The following CLTCL1 variants were observed in gnomAD, a reference collection of about 807,000 sequenced individuals.
CLTCL1 encodes the protein clathrin heavy chain 2.
In CLTCL1, 159 loss-of-function variants were observed where a neutral mutation model predicts 190.0. That is an observed-to-expected ratio of 0.84 (90% CI 0.74 to 0.95). CLTCL1 has a LOEUF of 0.95. Ranked by LOEUF, CLTCL1 falls within the 40% of genes least tolerant of loss-of-function variation. The pLI is 0.00. For missense variants in CLTCL1, 1,878 were observed against 2,033.4 expected (o/e 0.92, Z 1.47); for synonymous variants, 752 against 769.6 (o/e 0.98, Z 0.38).
chr22:19,214,036 C>G (rs149143526), intron 19 of CLTCL1, among the ~76,000 whole-genome samples: 1 of 152,308 alleles, frequency 6.6e-6, no homozygotes, highest in African/African-American at 2.4e-5. Flanking sequence ...TATGACTGTA[C>G]TACAGCCTAC....
At position 19,242,814 on chromosome 22, in the gene CLTCL1, G is replaced by T; in HGVS notation, c.642C>A (p.Thr214=). 1.2e-6 allele frequency: 2 copies of T among 1,613,950 alleles called. No homozygotes were observed. The highest frequency in any genetic ancestry group is 1.7e-6 in the Non-Finnish European group (2 of 1,179,892). Residue 214 remains threonine, a synonymous_variant, in exon 4 of 33, where the codon ACC becomes ACA. Transcript: ENST00000427926. ...FKMEGNAKPA[T]LFCFAVRNPT... Reference sequence around the variant, plus strand: ...GATTACGTACAGCAAAGCAGAAAAGGGTGGCAGGCTTGGCATTCCCCTCCA... The same window carrying T: ...GATTACGTACAGCAAAGCAGAAAAGTGTGGCAGGCTTGGCATTCCCCTCCA...
intron 2 of CLTCL1, among the ~76,000 whole-genome samples, chr22:19,266,757 T>C (rs1013301634): frequency 3.3e-4 from 50 of 152,146 alleles, no homozygotes; most frequent in African/African-American, 1.2e-3. Context: ...TAATAGCCAA[T>C]AATTAATTTA....
chr22:19,254,101 G>A lies in CLTCL1; in HGVS notation c.377C>T (p.Ala126Val), dbSNP rs372872413. ...ACCTTCCATGCTCCAGTGGTAGACC[G>A]CGGTCTCGGTCACCAAGGCAACAGT... ...VNTVALVTET[A>V]VYHWSMEGDS... Residue 126 changes from alanine to valine, a missense_variant, in exon 3 of 33, where the codon GCG becomes GTG. By Grantham distance (64) the Ala-to-Val change is moderately conservative. Coordinates refer to ENST00000427926, the MANE Select transcript of CLTCL1 (RefSeq NM_007098.4). 4.6e-5 allele frequency: 74 copies of A among 1,612,966 alleles called. No individual in the cohort carries two copies. Among genetic ancestry groups the A allele is most frequent in the East Asian group, 2.2e-4 (10 of 44,878 alleles).
At chr22:19,183,942 G>C in intron 29 of CLTCL1, 1 of 405,796 alleles carries the variant, frequency 2.5e-6, no homozygotes, top group East Asian at 5.1e-5. Flanking sequence ...TGGGGCTGCT[G>C]CAGAGGTGCT....
At chr22:19,260,916 A>C (rs1555975238) in intron 2 of CLTCL1, among the ~76,000 whole-genome samples, 1 of 151,748 alleles carries the variant, frequency 6.6e-6, no homozygotes, top group African/African-American at 2.4e-5. Flanking sequence ...CTCACTGTTC[A>C]GATCTACTGA....
At chr22:19,206,732 C>T (rs1440523695) in intron 22 of CLTCL1, among the ~76,000 whole-genome samples, 4 of 152,212 alleles carry the variant, frequency 2.6e-5, no homozygotes, top group Non-Finnish European at 4.4e-5. Flanking sequence ...CCACTGTGCC[C>T]GGCCCACTTT....
At chr22:19,216,385 T>C in intron 18 of CLTCL1, 129 bp from the exon 19 acceptor site, 1 of 782,914 alleles carries the variant, frequency 1.3e-6, no homozygotes, top group Non-Finnish European at 2.0e-6. Context: ...GGAGACTTCT[T>C]AATGTAACAA....
chr22:19,236,253 C>T (rs2086079022), intron 5 of CLTCL1, among the ~76,000 whole-genome samples: 1 of 152,206 alleles, frequency 6.6e-6, no homozygotes, highest in African/African-American at 2.4e-5. Context: ...CAACCACTCT[C>T]AAATAAAGGT....
chr22:19,191,412 G>A lies in CLTCL1; in HGVS notation c.4215C>T (p.Tyr1405=). 6.2e-7 allele frequency: 1 copy of A among 1,613,916 alleles called. No individual in the cohort carries two copies. The highest frequency in any genetic ancestry group is 8.5e-7 in the Non-Finnish European group (1 of 1,179,884). ...AATCCAAATAGAACTGCAGGGCTCT[G>A]TAACAGAGCTCGACGTTGGCAACCT... ...ITKVANVELC[Y]RALQFYLDYK... Residue 1405 remains tyrosine, a synonymous_variant, in exon 27 of 33, where the codon TAC becomes TAT. Coordinates refer to ENST00000427926, the MANE Select transcript of CLTCL1 (RefSeq NM_007098.4).
At chr22:19,216,948 G>A (rs1555949775) in intron 18 of CLTCL1, among the ~76,000 whole-genome samples, 1 of 152,168 alleles carries the variant, frequency 6.6e-6, no homozygotes, top group Non-Finnish European at 1.5e-5. Context: ...CTCCTCAGGG[G>A]TGGGCAACAG....
chr22:19,242,851 G>C lies in CLTCL1; in HGVS notation c.605C>G (p.Ala202Gly). Residue 202 changes from alanine (A) to glycine (G), a missense_variant, in exon 4 of 33, where the codon GCA (alanine) becomes GGA (glycine). Transcript: ENST00000427926. ...GGCATTCCCCTCCATCTTGAACTCT[G>C]CAAAAGCCGCAGCATGGCCTTCTAT... is the stretch of plus-strand genomic sequence containing the variant. ...QPIEGHAAAF[A>G]EFKMEGNAKP... 1 of 1,613,950 alleles carries C rather than the reference G, an allele frequency of 6.2e-7. No individual in the cohort carries two copies.
intron 3 of CLTCL1, among the ~76,000 whole-genome samples, chr22:19,247,702 A>G (rs1319001526): frequency 2.6e-5 from 4 of 152,104 alleles, no homozygotes; most frequent in African/African-American, 9.6e-5. Flanking sequence ...CTGGGATTAC[A>G]GGCACATGCC....
intron 1 of CLTCL1, among the ~76,000 whole-genome samples, chr22:19,276,642 A>G (rs1028397023): frequency 1.2e-4 from 18 of 152,100 alleles, no homozygotes; most frequent in African/African-American, 4.1e-4. Flanking sequence ...ACCTACCTAC[A>G]AGACACCTTT....
chr22:19,181,766 C>T (rs1555925954), intron 30 of CLTCL1: 1 of 152,330 alleles, frequency 6.6e-6, no homozygotes, highest in African/African-American at 2.4e-5. Context: ...ATGCCACTGA[C>T]TGGGAAACCC....
At chr22:19,183,724 G>T in intron 29 of CLTCL1, 113 bp from the exon 30 acceptor site, 2 of 1,022,902 alleles carry the variant, frequency 2.0e-6, no homozygotes, top group Non-Finnish European at 2.9e-6. Context: ...GACTTCCTGC[G>T]CTGTGGAGCA....
At chr22:19,248,652 C>A (rs2086495048) in intron 3 of CLTCL1, among the ~76,000 whole-genome samples, 1 of 152,200 alleles carries the variant, frequency 6.6e-6, no homozygotes, top group South Asian at 2.1e-4. Context: ...TAAATGGAAT[C>A]ATATAGTATG....
Position 19,183,509 on chromosome 22 carries a change from G to C in CLTCL1, c.4708C>G (p.Leu1570Val), listed in dbSNP as rs781872653. 1.2e-6 allele frequency: 2 copies of C among 1,613,812 alleles called. No individual in the cohort carries two copies. The highest frequency in any genetic ancestry group is 3.3e-5 in the Admixed American group (2 of 60,022). The change falls in exon 30 of 33, where the codon CTC (leucine) becomes GTC (valine). Residue 1570 changes from leucine (L) to valine (V), a missense_variant. Physicochemically the swap from Leu to Val is conservative, Grantham distance 32 (BLOSUM62 1). Coordinates refer to ENST00000427926, the MANE Select transcript of CLTCL1 (RefSeq NM_007098.4). ...EGKRECFAAC[L>V]FTCYDLLRPD... Reference sequence around the variant, plus strand: ...CGAAGCAGGTCATAGCAGGTGAAGAGACAAGCTGCGAAGCACTCCCTCTTG... The same window carrying C: ...CGAAGCAGGTCATAGCAGGTGAAGACACAAGCTGCGAAGCACTCCCTCTTG...
intron 1 of CLTCL1, among the ~76,000 whole-genome samples, chr22:19,289,741 C>T (rs1345437060): frequency 2.0e-5 from 3 of 152,148 alleles, no homozygotes; most frequent in African/African-American, 4.8e-5. Context: ...AGATCCAGAA[C>T]ATAGACAAGA....
chr22:19,211,302 A>G lies in CLTCL1; in HGVS notation c.3066-793T>C, dbSNP rs28588167. On this transcript the variant is annotated intron_variant, in intron 19 of 32. Coordinates refer to ENST00000427926, the MANE Select transcript of CLTCL1 (RefSeq NM_007098.4). Reference sequence around the variant, plus strand: ...CTACAAAAAGCCCACTGTTAACATCATAAGTAACAGAGTCTGGACACTTTC... The same window carrying G: ...CTACAAAAAGCCCACTGTTAACATCGTAAGTAACAGAGTCTGGACACTTTC... 9.4e-3 allele frequency among the ~76,000 whole-genome samples: 1,436 copies of G among 152,330 alleles called. 34 individuals carry two copies. Among genetic ancestry groups the G allele is most frequent in the East Asian group, 0.069 (357 of 5,190 alleles).
Sources: gnomAD v4.1 joint callset for allele counts (sites outside exome capture counted in the v4.1 genomes callset) on GRCh38, gnomAD v4.1.1 for gene constraint, MANE v1.5 for transcripts, NCBI Gene and HGNC (gene_info 2026-07-23, HGNC 2026-07-21) for gene names.